The following PARD3B variants were observed in gnomAD, a reference collection of about 807,000 sequenced individuals.
The protein encoded by PARD3B is par-3 family cell polarity regulator beta.
A neutral mutation model predicts 130.2 loss-of-function variants in PARD3B; 103 were observed. The ratio of observed to expected loss-of-function variants is 0.79; its 90% CI spans 0.67 to 0.93. The LOEUF (loss-of-function observed/expected upper bound fraction) is 0.93, where lower values mean the gene tolerates loss of function less well. PARD3B is among the 40% of genes least tolerant of loss of function. The probability of loss-of-function intolerance (pLI) is 0.00; values close to 1 mark genes in which losing one functional copy is unlikely to be tolerated. For missense variants in PARD3B, 1,609 were observed against 1,499.2 expected, an observed-to-expected ratio of 1.07 and a Z score of -1.21; for synonymous variants, 583 against 553.2, an observed-to-expected ratio of 1.05 and a Z score of -0.76.
intron 6 of PARD3B, among the ~76,000 whole-genome samples, chr2:205,114,439 C>G (rs887199525): frequency 2.0e-5 from 3 of 152,064 alleles, no homozygotes; most frequent in South Asian, 2.1e-4. Context: ...TTTTAGTTAA[C>G]TTACTGAATT....
intron 2 of PARD3B, among the ~76,000 whole-genome samples, chr2:204,742,036 C>T (rs2040031761): frequency 1.3e-5 from 2 of 152,106 alleles, no homozygotes; most frequent in Non-Finnish European, 1.5e-5. Flanking sequence ...TACTCAGAAG[C>T]TCTGGGGCTG....
chr2:205,059,129 A>G (rs537961165), intron 4 of PARD3B, among the ~76,000 whole-genome samples: 3 of 152,002 alleles, frequency 2.0e-5, no homozygotes, highest in East Asian at 3.9e-4. Flanking sequence ...TAAGGGTCCA[A>G]CTTCAGTCAT....
In PARD3B at chr2:205,324,088, CT is replaced by C. The variant is rs35086314; in HGVS notation, c.2630+22389del. 7.0e-3 allele frequency among the ~76,000 whole-genome samples: 1,060 copies of C among 152,174 alleles called. 3 individuals are homozygous for C. Among genetic ancestry groups the C allele is most frequent in the Non-Finnish European group, 0.01 (694 of 67,990 alleles). ...CATACCCCAAGACTGTATTACACAC[CT>C]TCTTTTGTCAGGGGCTTTACAGTGT... is the stretch of plus-strand genomic sequence containing the variant. On this transcript the variant is annotated intron_variant, in intron 18 of 22. Transcript: ENST00000406610.
chr2:204,837,349 G>T (rs1460422448), intron 2 of PARD3B, among the ~76,000 whole-genome samples: 1 of 150,822 alleles, frequency 6.6e-6, no homozygotes, highest in Admixed American at 6.6e-5. Flanking sequence ...AAATAACTGA[G>T]TTTTATTTCA....
intron 19 of PARD3B, among the ~76,000 whole-genome samples, chr2:205,414,936 C>T (rs2046724155): frequency 6.6e-6 from 1 of 151,664 alleles, no homozygotes; most frequent in Admixed American, 6.6e-5. Context: ...AGTGGGTTGA[C>T]TTTGTTTTAA....
intron 2 of PARD3B, among the ~76,000 whole-genome samples, chr2:204,821,893 T>G (rs2043374146): frequency 1.3e-5 from 2 of 152,160 alleles, no homozygotes; most frequent in South Asian, 4.1e-4. Flanking sequence ...AGTCTCAGGT[T>G]TGTCTTTATC....
chr2:205,608,391 A>C (rs946134997), intron 22 of PARD3B, among the ~76,000 whole-genome samples: 1 of 152,262 alleles, frequency 6.6e-6, no homozygotes, highest in Admixed American at 6.5e-5. Context: ...TAAGGGGCCT[A>C]TCAAGTTAGG....
intron 1 of PARD3B, among the ~76,000 whole-genome samples, chr2:204,615,264 T>G (rs1326542153): frequency 6.6e-6 from 1 of 152,198 alleles, no homozygotes; most frequent in East Asian, 1.9e-4. Context: ...TGGTGGTTTC[T>G]TAAAGGTTAG....
At chr2:204,782,785 TCTTA>T (rs1270704575) in intron 2 of PARD3B, among the ~76,000 whole-genome samples, 4 of 152,228 alleles carry the variant, frequency 2.6e-5, no homozygotes, top group South Asian at 2.1e-4. Flanking sequence ...CTTACAGTTT[TCTTA>T]CTTTACTTGG....
intron 1 of PARD3B, among the ~76,000 whole-genome samples, chr2:204,637,894 C>T (rs923962966): frequency 6.6e-6 from 1 of 151,802 alleles, no homozygotes; most frequent in Non-Finnish European, 1.5e-5. Flanking sequence ...GAGAGAGATG[C>T]GGAAGAGGTG....
At chr2:205,541,333 C>G (rs954027281) in intron 21 of PARD3B, among the ~76,000 whole-genome samples, 2 of 142,808 alleles carry the variant, frequency 1.4e-5, no homozygotes, top group Admixed American at 1.5e-4. Flanking sequence ...AGTTTTAATG[C>G]TCACAGAAAC....
intron 15 of PARD3B, among the ~76,000 whole-genome samples, chr2:205,212,093 A>G (rs2037670512): frequency 6.6e-6 from 1 of 152,096 alleles, no homozygotes; most frequent in Non-Finnish European, 1.5e-5. Context: ...GAAAGGCCAG[A>G]GGGAAATCTT....
chr2:205,052,097 A>G (rs1314128642), intron 4 of PARD3B, among the ~76,000 whole-genome samples: 3 of 152,108 alleles, frequency 2.0e-5, no homozygotes, highest in Non-Finnish European at 2.9e-5. Flanking sequence ...AGGGCATGCC[A>G]TAAAACAAGG....
At chr2:204,937,219 G>C (rs1313071745) in intron 2 of PARD3B, among the ~76,000 whole-genome samples, 2 of 152,208 alleles carry the variant, frequency 1.3e-5, no homozygotes, top group African/African-American at 4.8e-5. Flanking sequence ...AACTTTTGCA[G>C]TTTACTTTTT....
intron 16 of PARD3B, among the ~76,000 whole-genome samples, chr2:205,247,448 T>C (rs144785236): frequency 6.6e-6 from 1 of 152,302 alleles, no homozygotes; most frequent in African/African-American, 2.4e-5. Context: ...TAGTCAAAAA[T>C]GGCAGAATTT....
At chr2:204,671,006 T>G (rs968059601) in intron 1 of PARD3B, among the ~76,000 whole-genome samples, 1 of 152,058 alleles carries the variant, frequency 6.6e-6, no homozygotes. Context: ...TCAGGATTGG[T>G]TTTTCTCTAA....
rs1574642187 is a variant in PARD3B at position 205,302,051 on chromosome 2, T to A, written c.2630+350T>A. ...AAGGTAGGGAGACCCTATTCTTTTT[T>A]TCTTTTTTCTTTTCTTTTTTTTTTT... is the stretch of plus-strand genomic sequence containing the variant. On this transcript the variant is annotated intron_variant, in intron 18 of 22. Coordinates refer to ENST00000406610, the MANE Select transcript of PARD3B (RefSeq NM_001302769.2). The A allele has an allele frequency of 8.1e-6, 4 of 493,800 alleles. No homozygotes were observed. The East Asian group carries it at 9.1e-5, about 11-fold the overall frequency. The allele number at this position is 493,800 out of a possible 1,614,324, so 30.6% of individuals were successfully genotyped here.
In PARD3B at chr2:204,841,099, CAAA is replaced by C. The variant is rs896462174; in HGVS notation, c.223-124052_223-124050del. 1.1e-4 allele frequency among the ~76,000 whole-genome samples: 16 copies of C among 152,268 alleles called. No individual in the cohort carries two copies. In the East Asian group the frequency reaches 3.1e-3, roughly 29 times the overall value. ...GAAGAGCACATTGGCAAGGACAACACAAAGAAGCTTGTTCTGCAACTCGGTTTT... is the reference window on the plus strand; with the variant it reads ...GAAGAGCACATTGGCAAGGACAACACGAAGCTTGTTCTGCAACTCGGTTTT... On this transcript the variant is annotated intron_variant, in intron 2 of 22. Transcript: ENST00000406610.
intron 1 of PARD3B, among the ~76,000 whole-genome samples, chr2:204,631,244 CTTTCT>C (rs1014332047): frequency 5.5e-5 from 6 of 109,796 alleles, no homozygotes; most frequent in Admixed American, 1.2e-4. Flanking sequence ...TTAGTTCTTT[CTTTCT>C]TTTTTTTTTT....
Sources: gnomAD v4.1 joint callset for allele counts (sites outside exome capture counted in the v4.1 genomes callset) on GRCh38, gnomAD v4.1.1 for gene constraint, MANE v1.5 for transcripts, NCBI Gene and HGNC (gene_info 2026-07-23, HGNC 2026-07-21) for gene names.